Variants in RYR2 observed in about 807,000 individuals in gnomAD.
RYR2 encodes ryanodine receptor 2.
A neutral mutation model predicts 601.1 loss-of-function variants in RYR2; 227 were observed. The observed-to-expected ratio is 0.38, with a 90% CI of 0.34 to 0.42. The LOEUF (loss-of-function observed/expected upper bound fraction) is 0.42. Among genes scored for constraint, RYR2 ranks in the 10% least tolerant of loss-of-function variants. The pLI, the probability that RYR2 is intolerant of heterozygous loss-of-function variation, is 1.00. For missense variants in RYR2, 4,646 were observed against 6,156.5 expected, an observed-to-expected ratio of 0.75 and a Z score of 8.21; for synonymous variants, 2,223 against 2,175.1, an observed-to-expected ratio of 1.02 and a Z score of -0.61.
chr1:237,675,959 T>A (rs1485234573), intron 60 of RYR2, among the ~76,000 whole-genome samples: 2 of 152,204 alleles, frequency 1.3e-5, no homozygotes, highest in African/African-American at 2.4e-5. Flanking sequence ...AATCTCTCTA[T>A]GACTCATATA....
chr1:237,706,580 G>C (rs1688398386), intron 67 of RYR2, among the ~76,000 whole-genome samples: 1 of 152,156 alleles, frequency 6.6e-6, no homozygotes, highest in Admixed American at 6.5e-5. Context: ...TCAGGTATTT[G>C]GTGGAGCCGT....
At chr1:237,817,468 G>T (rs181838574) in intron 100 of RYR2, among the ~76,000 whole-genome samples, 27 of 152,116 alleles carry the variant, frequency 1.8e-4, no homozygotes, top group African/African-American at 5.1e-4. Context: ...TTAGGCACTG[G>T]CAACAGAGTA....
intron 25 of RYR2, among the ~76,000 whole-genome samples, chr1:237,533,316 G>T (rs190549382): frequency 6.6e-6 from 1 of 151,964 alleles, no homozygotes; most frequent in East Asian, 1.9e-4. Flanking sequence ...CTAAAATGTT[G>T]GGGTTTTTTA....
In RYR2 at chr1:237,135,093, C is replaced by T. The variant is rs187239841; in HGVS notation, c.48+92524C>T. ...AGCTGTTTGCAACATATTTAGTATG[C>T]AAGTCCCTGGTGGTAGATGACGCAT... On this transcript the variant is annotated intron_variant, in intron 1 of 104. Coordinates refer to ENST00000366574, the MANE Select transcript of RYR2 (RefSeq NM_001035.3). 1.8e-4 allele frequency among the ~76,000 whole-genome samples: 28 copies of T among 152,298 alleles called. No homozygotes were observed. The East Asian group carries it at 5.4e-3, about 29-fold the overall frequency.
At chr1:237,224,211 C>T (rs1208901060) in intron 1 of RYR2, among the ~76,000 whole-genome samples, 1 of 151,918 alleles carries the variant, frequency 6.6e-6, no homozygotes, top group East Asian at 1.9e-4. Context: ...TGAAAAAAAA[C>T]TCATAGATGA....
chr1:237,312,548 T>C (rs920492299), intron 2 of RYR2, among the ~76,000 whole-genome samples: 1 of 152,248 alleles, frequency 6.6e-6, no homozygotes, highest in African/African-American at 2.4e-5. Flanking sequence ...ACCTGCTTTC[T>C]GGTAACCTTA....
intron 3 of RYR2, among the ~76,000 whole-genome samples, chr1:237,349,592 A>T (rs566722508): frequency 1.3e-5 from 2 of 152,202 alleles, no homozygotes; most frequent in Non-Finnish European, 2.9e-5. Flanking sequence ...ATTAAAATGC[A>T]TAACGATAAT....
At position 237,527,117 on chromosome 1, in the gene RYR2, T is replaced by C. The variant is rs542814539; in HGVS notation, c.2823-3310T>C. Among the ~76,000 whole-genome samples, 8 of 152,364 alleles carry C rather than the reference T, an allele frequency of 5.3e-5. No homozygotes were observed. The South Asian group carries it at 1.5e-3, about 28-fold the overall frequency. On this transcript the variant is annotated intron_variant, in intron 24 of 104. Coordinates refer to ENST00000366574, the MANE Select transcript of RYR2 (RefSeq NM_001035.3). ...GTCAAAGATCAGTTGGTTGTAGGTA[T>C]GTGGCTTTATTTTTGGGTTCTGTAT...
chr1:237,063,423 C>T (rs188391642), intron 1 of RYR2, among the ~76,000 whole-genome samples: 1 of 146,706 alleles, frequency 6.8e-6, no homozygotes, highest in East Asian at 2.0e-4. Flanking sequence ...TTTTATTACT[C>T]CTTCAGTGTT....
At chr1:237,450,198 T>G (rs1657913728) in intron 14 of RYR2, among the ~76,000 whole-genome samples, 1 of 152,178 alleles carries the variant, frequency 6.6e-6, no homozygotes. Flanking sequence ...TCTCATGACA[T>G]TCTCATCAGT....
At chr1:237,508,112 C>T (rs530081577) in intron 23 of RYR2, among the ~76,000 whole-genome samples, 3 of 152,168 alleles carry the variant, frequency 2.0e-5, no homozygotes, top group Admixed American at 6.6e-5. Flanking sequence ...TACAGGCATG[C>T]ACCACCACAC....
intron 1 of RYR2, among the ~76,000 whole-genome samples, chr1:237,198,463 A>G (rs1235350869): frequency 8.4e-6 from 1 of 119,632 alleles, no homozygotes; most frequent in Non-Finnish European, 1.7e-5. Flanking sequence ...TTTTTTTGGT[A>G]TGGAAGTATT....
intron 25 of RYR2, among the ~76,000 whole-genome samples, chr1:237,537,092 T>G (rs973818279): frequency 1.3e-5 from 2 of 152,032 alleles, no homozygotes; most frequent in African/African-American, 4.8e-5. Flanking sequence ...CCCCACCAAG[T>G]GAGAAAAAAT....
At chr1:237,290,207 A>G (rs901037774) in intron 2 of RYR2, among the ~76,000 whole-genome samples, 8 of 152,232 alleles carry the variant, frequency 5.3e-5, no homozygotes, top group African/African-American at 1.9e-4. Context: ...AATCTGTGCA[A>G]CAACATGGAT....
chr1:237,124,279 C>T (rs1435771732), intron 1 of RYR2, among the ~76,000 whole-genome samples: 1 of 152,302 alleles, frequency 6.6e-6, no homozygotes, highest in African/African-American at 2.4e-5. Context: ...GTCATCTATT[C>T]TAACATCTCA....
rs777530890 is a variant in RYR2, at chr1:237,496,764, C to T, written c.2203+12C>T. 3.8e-6 allele frequency: 6 copies of T among 1,596,620 alleles called. 1 individual carries two copies. The South Asian group carries it at 6.7e-5, about 18-fold the overall frequency. ...TCATCTCTGGTCAGGTACGTACTAT[C>T]CATTTTCTTTCACCGTGTTCCAGAA... On this transcript the variant is annotated intron_variant, in intron 20 of 104. Transcript: ENST00000366574.
At chr1:237,181,517 C>T (rs1678755469) in intron 1 of RYR2, among the ~76,000 whole-genome samples, 1 of 152,042 alleles carries the variant, frequency 6.6e-6, no homozygotes, top group African/African-American at 2.4e-5. Context: ...GATGTAGAAA[C>T]TGCTAGGGTG....
intron 41 of RYR2, among the ~76,000 whole-genome samples, chr1:237,629,678 G>A (rs1009382279): frequency 8.6e-5 from 13 of 151,766 alleles, no homozygotes; most frequent in Admixed American, 3.3e-4. Flanking sequence ...TGAAAAAAAC[G>A]AATAAAATGG....
intron 29 of RYR2, among the ~76,000 whole-genome samples, chr1:237,588,934 T>C (rs1415676715): frequency 6.6e-6 from 1 of 152,072 alleles, no homozygotes; most frequent in Non-Finnish European, 1.5e-5. Flanking sequence ...TACCATCTCA[T>C]TGTCTTGCCA....
Sources: allele counts gnomAD v4.1 joint callset (sites outside exome capture counted in the v4.1 genomes callset), GRCh38; gene constraint gnomAD v4.1.1; transcripts MANE v1.5; gene names NCBI Gene and HGNC (gene_info 2026-07-23, HGNC 2026-07-21).